The following STXBP5L variants were observed in gnomAD, a reference collection of about 807,000 sequenced individuals.
The protein encoded by STXBP5L is syntaxin-binding protein 5-like.
In STXBP5L, 65 loss-of-function variants were observed where a neutral mutation model predicts 144.5. The ratio of observed to expected loss-of-function variants is 0.45; its 90% confidence interval spans 0.37 to 0.55. The LOEUF is 0.55. Ranked by LOEUF, STXBP5L falls within the 20% of genes least tolerant of loss-of-function variation. The pLI is 0.00. For missense variants in STXBP5L, 1,298 were observed against 1,405.5 expected (o/e 0.92, Z 1.22); for synonymous variants, 505 against 469.6 (o/e 1.08, Z -0.97).
At chr3:121,156,211 G>A (rs1217139774) in intron 8 of STXBP5L, among the ~76,000 whole-genome samples, 1 of 151,902 alleles carries the variant, frequency 6.6e-6, no homozygotes, top group Non-Finnish European at 1.5e-5. Flanking sequence ...TTGATTATAT[G>A]TGTAATAATT....
intron 3 of STXBP5L, among the ~76,000 whole-genome samples, chr3:120,990,830 C>G (rs1444492236): frequency 6.6e-6 from 1 of 152,144 alleles, no homozygotes; most frequent in Non-Finnish European, 1.5e-5. Flanking sequence ...AAAATTAATT[C>G]AAGATGGATT....
At chr3:120,911,734 A>G (rs1708852009) in intron 2 of STXBP5L, among the ~76,000 whole-genome samples, 1 of 152,116 alleles carries the variant, frequency 6.6e-6, no homozygotes, top group African/African-American at 2.4e-5. Flanking sequence ...GTCCACTAAC[A>G]GTACTGAAGT....
chr3:121,293,099 T>C (rs931152700), intron 19 of STXBP5L, among the ~76,000 whole-genome samples: 1 of 152,154 alleles, frequency 6.6e-6, no homozygotes, highest in Non-Finnish European at 1.5e-5. Flanking sequence ...ATAAACAAAT[T>C]CTGGCAAATC....
intron 9 of STXBP5L, among the ~76,000 whole-genome samples, chr3:121,186,814 T>G (rs900038533): frequency 6.6e-6 from 1 of 151,992 alleles, no homozygotes; most frequent in South Asian, 2.1e-4. Flanking sequence ...CATGAAAAAA[T>G]GCTCATCATC....
At chr3:121,270,874 A>C (rs1489664793) in intron 18 of STXBP5L, among the ~76,000 whole-genome samples, 1 of 152,216 alleles carries the variant, frequency 6.6e-6, no homozygotes, top group Non-Finnish European at 1.5e-5. Context: ...TTTGGCAGGA[A>C]TACCACAGAA....
At chr3:121,076,593 G>A (rs994417634) in intron 5 of STXBP5L, among the ~76,000 whole-genome samples, 42 of 152,000 alleles carry the variant, frequency 2.8e-4, no homozygotes, top group African/African-American at 9.7e-4. Flanking sequence ...AGGTGCCCAG[G>A]CTGTTCTCCA....
At chr3:121,160,947 A>G (rs1393859438) in intron 9 of STXBP5L, among the ~76,000 whole-genome samples, 2 of 152,166 alleles carry the variant, frequency 1.3e-5, no homozygotes, top group Non-Finnish European at 2.9e-5. Context: ...CACTTCACAT[A>G]AAATTTGCAA....
chr3:121,416,230 C>G (rs2047229409), intron 25 of STXBP5L, among the ~76,000 whole-genome samples: 2 of 151,598 alleles, frequency 1.3e-5, no homozygotes, highest in African/African-American at 4.8e-5. Context: ...AATGAGCAAG[C>G]TAATAAATAT....
At chr3:121,031,842 G>A (rs774068175) in intron 3 of STXBP5L, among the ~76,000 whole-genome samples, 1 of 152,054 alleles carries the variant, frequency 6.6e-6, no homozygotes, top group Non-Finnish European at 1.5e-5. Flanking sequence ...ATGCTTCAAA[G>A]TAGAATTGAC....
At chr3:121,330,297 C>T (rs567400323) in intron 20 of STXBP5L, among the ~76,000 whole-genome samples, 1 of 152,342 alleles carries the variant, frequency 6.6e-6, no homozygotes, top group South Asian at 2.1e-4. Context: ...CTGCCTGCTA[C>T]TCCCCACTGC....
intron 7 of STXBP5L, among the ~76,000 whole-genome samples, chr3:121,143,949 C>T (rs1577056149): frequency 6.6e-6 from 1 of 151,668 alleles, no homozygotes; most frequent in East Asian, 1.9e-4. Flanking sequence ...AAACTTAACA[C>T]TGAAAGTAAC....
At chr3:121,251,619 T>G (rs1017099995) in intron 15 of STXBP5L, among the ~76,000 whole-genome samples, 3 of 152,168 alleles carry the variant, frequency 2.0e-5, no homozygotes, top group African/African-American at 7.2e-5. Flanking sequence ...AGCTTTGAAT[T>G]TTTTAGTAAA....
intron 2 of STXBP5L, among the ~76,000 whole-genome samples, chr3:120,910,426 G>A (rs1708768937): frequency 6.6e-6 from 1 of 152,132 alleles, no homozygotes; most frequent in South Asian, 2.1e-4. Context: ...GAAGATGAGA[G>A]TTTATAAAAC....
chr3:121,118,837 G>C (rs2044338897), intron 6 of STXBP5L, among the ~76,000 whole-genome samples: 4 of 151,598 alleles, frequency 2.6e-5, no homozygotes, highest in African/African-American at 7.2e-5. Context: ...GTGCCATTTA[G>C]TGAAAGTGCA....
At chr3:121,050,377 A>G (rs1420405958) in intron 5 of STXBP5L, among the ~76,000 whole-genome samples, 1 of 152,184 alleles carries the variant, frequency 6.6e-6, no homozygotes, top group East Asian at 1.9e-4. Context: ...AAGGATATCA[A>G]AAAACTTTAA....
rs1483346314 is a variant in STXBP5L, at chr3:121,152,517, A to C, written c.710A>C (p.Asp237Ala). ...GYENGTVVFW[D>A]LKSKRAELRV... ...GAAAATGGTACTGTAGTATTCTGGG[A>C]CTTGAAATCTAAAAGAGCAGAACTG... The change falls in exon 8 of 27, where the codon GAC becomes GCC. Residue 237 changes from aspartate to alanine, a missense_variant. Physicochemically the swap from Asp to Ala is moderately radical, Grantham distance 126. Coordinates refer to ENST00000471454, the MANE Select transcript of STXBP5L (RefSeq NM_001308330.2). The C allele has an allele frequency of 6.2e-7, 1 of 1,609,730 alleles. No homozygotes were observed. Among genetic ancestry groups the C allele is most frequent in the South Asian group, 1.1e-5 (1 of 90,624 alleles).
intron 3 of STXBP5L, among the ~76,000 whole-genome samples, chr3:120,973,605 C>T (rs1002695739): frequency 6.6e-6 from 1 of 151,984 alleles, no homozygotes; most frequent in Admixed American, 6.6e-5. Flanking sequence ...AGGTTAGTTA[C>T]ATATGTATAC....
chr3:121,238,761 G>A (rs1020105147), intron 12 of STXBP5L, among the ~76,000 whole-genome samples: 4 of 152,018 alleles, frequency 2.6e-5, no homozygotes, highest in Admixed American at 1.3e-4. Context: ...TTTTGAGCTT[G>A]AGTAAAATTT....
chr3:121,259,810 GT>G (rs965365440), intron 18 of STXBP5L, among the ~76,000 whole-genome samples: 23 of 146,372 alleles, frequency 1.6e-4, no homozygotes, highest in Middle Eastern at 3.5e-3. Context: ...GTTGTTCCTG[GT>G]TTTTTTTTTA....
Sources: gnomAD v4.1 joint callset for allele counts (sites outside exome capture counted in the v4.1 genomes callset) on GRCh38, gnomAD v4.1.1 for gene constraint, MANE v1.5 for transcripts, NCBI Gene and HGNC (gene_info 2026-07-23, HGNC 2026-07-21) for gene names.